DHX15: variants seen among roughly 807,000 people sequenced by gnomAD.
DHX15 encodes DEAH-box helicase 15, also known as ATP-dependent RNA helicase DHX15.
In DHX15, 11 loss-of-function variants were observed where a neutral mutation model predicts 94.4. The observed-to-expected ratio is 0.12, with a 90% confidence interval of 0.07 to 0.19. The LOEUF (loss-of-function observed/expected upper bound fraction) is 0.19, where lower values mean the gene tolerates loss of function less well. Among genes scored for constraint, DHX15 ranks in the 10% least tolerant of loss-of-function variants. The pLI is 1.00. For missense variants in DHX15, 304 were observed against 988.5 expected (o/e 0.31, Z 9.29); for synonymous variants, 338 against 329.9 (o/e 1.02, Z -0.27).
rs773122062 is a variant in DHX15, at chr4:24,584,287, C to A, written c.71+36G>T. On this transcript the variant is annotated intron_variant, in intron 1 of 13. Transcript: ENST00000336812. ...GCTCCCTGCCAGGACCCCAACAAAG[C>A]CCGAGCTGCCGCCTCGCGCCCCCGG... 3.1e-6 allele frequency: 5 copies of A among 1,595,080 alleles called. No homozygotes were observed. In the South Asian group the frequency reaches 5.6e-5, roughly 18 times the overall value.
In DHX15 at chr4:24,573,788, T is replaced by C. The variant is rs551526906; in HGVS notation, c.507+2455A>G. Among the ~76,000 whole-genome samples, 4 of 152,292 alleles carry C rather than the reference T, an allele frequency of 2.6e-5. No homozygotes were observed. In the South Asian group the frequency reaches 8.3e-4, roughly 32 times the overall value. On this transcript the variant is annotated intron_variant, in intron 2 of 13. Coordinates refer to ENST00000336812, the MANE Select transcript of DHX15 (RefSeq NM_001358.3). ...ATACCTGCATTCCCTTAGCTCAACA[T>C]GCGTCCTTGCTCACACTGTCCCTTT...
Position 24,584,489 on chromosome 4 carries a change from C to T in DHX15, c.-96G>A. The T allele has an allele frequency of 5.8e-6, 7 of 1,210,776 alleles. No individual in the cohort carries two copies. The highest frequency in any genetic ancestry group is 1.6e-5 in the African/African-American group (1 of 64,016). The allele number at this position is 1,210,776 out of a possible 1,614,324, so 75.0% of individuals were successfully genotyped here. A position where few individuals can be genotyped will look rare whatever the true frequency, so the allele number is the denominator to read the frequency against. On this transcript the variant is annotated 5_prime_UTR_variant, in exon 1 of 14. Transcript: ENST00000336812. ...CCACTTAACTCTGGAGGACCCCCAC[C>T]CCTCCCGCTACTACAGCCCACACGG...
intron 6 of DHX15, among the ~76,000 whole-genome samples, chr4:24,543,362 G>C (rs1017729992): frequency 1.3e-5 from 2 of 152,126 alleles, no homozygotes; most frequent in African/African-American, 4.8e-5. Flanking sequence ...CAAAACGTCT[G>C]ATAAAACAGC....
chr4:24,542,931 A>C lies in DHX15; in HGVS notation c.1335+9T>G. On this transcript the variant is annotated intron_variant, in intron 7 of 13. Transcript: ENST00000336812. Reference sequence around the variant, plus strand: ...ACTCTAATTTATAAAGTATCCACTAAATATGTACCTTCTGTTTCGCAAATC... The same window carrying C: ...ACTCTAATTTATAAAGTATCCACTACATATGTACCTTCTGTTTCGCAAATC... 5 of 1,606,438 alleles carry C rather than the reference A, an allele frequency of 3.1e-6. No homozygotes were observed. Among genetic ancestry groups the C allele is most frequent in the Non-Finnish European group, 4.3e-6 (5 of 1,173,602 alleles).
At chr4:24,548,508 T>C (rs1422936347) in intron 6 of DHX15, among the ~76,000 whole-genome samples, 1 of 152,196 alleles carries the variant, frequency 6.6e-6, no homozygotes, top group Non-Finnish European at 1.5e-5. Flanking sequence ...GACATTACAT[T>C]TGGGAAGCCT....
At position 24,542,924 on chromosome 4, in the gene DHX15, T is replaced by A; in HGVS notation, c.1335+16A>T. 1 of 1,588,458 alleles carries A rather than the reference T, an allele frequency of 6.3e-7. No individual in the cohort carries two copies. Among genetic ancestry groups the A allele is most frequent in the African/African-American group, 1.3e-5 (1 of 74,456 alleles). On this transcript the variant is annotated intron_variant, in intron 7 of 13. Transcript: ENST00000336812. ...TAAACCAACTCTAATTTATAAAGTA[T>A]CCACTAAATATGTACCTTCTGTTTC...
intron 12 of DHX15, among the ~76,000 whole-genome samples, chr4:24,532,227 A>C (rs1161470647): frequency 3.3e-5 from 5 of 152,232 alleles, no homozygotes; most frequent in Non-Finnish European, 7.3e-5. Context: ...CAGCATACTT[A>C]AACTAAATAA....
chr4:24,540,886 T>C lies in DHX15; in HGVS notation c.1548A>G (p.Lys516=), dbSNP rs772731371. 6.2e-7 allele frequency: 1 copy of C among 1,610,430 alleles called. No individual in the cohort carries two copies. Among genetic ancestry groups the C allele is most frequent in the Non-Finnish European group, 8.5e-7 (1 of 1,177,658 alleles). The change falls in exon 9 of 14, where the codon AAA becomes AAG. Residue 516 remains lysine, a synonymous_variant. Transcript: ENST00000336812. ...NLGSVVLQLK[K]LGIDDLVHFD... is the part of the protein sequence containing the mutation. ...AATGTACCAAGTCATCAATACCAAGTTTCTTCAATTGTAACACAACTGATC... is the reference window on the plus strand; with the variant it reads ...AATGTACCAAGTCATCAATACCAAGCTTCTTCAATTGTAACACAACTGATC...
At chr4:24,563,751 T>C (rs1470562504) in intron 3 of DHX15, among the ~76,000 whole-genome samples, 1 of 152,098 alleles carries the variant, frequency 6.6e-6, no homozygotes, top group Admixed American at 6.6e-5. Flanking sequence ...AGCTAGACTT[T>C]TGATAGTTGC....
chr4:24,539,100 A>G (rs1721255533), intron 10 of DHX15: 1 of 152,200 alleles, frequency 6.6e-6, no homozygotes, highest in Non-Finnish European at 1.5e-5. Context: ...CTGATCAGTC[A>G]TAACTCTGCA....
chr4:24,578,945 T>C (rs1187484837), intron 1 of DHX15, among the ~76,000 whole-genome samples: 1 of 152,110 alleles, frequency 6.6e-6, no homozygotes, highest in Non-Finnish European at 1.5e-5. Context: ...GGAAGAGAGG[T>C]GACAAAGTAA....
chr4:24,547,886 TCTC>T, intron 6 of DHX15, among the ~76,000 whole-genome samples: 1 of 20,642 alleles, frequency 4.8e-5, no homozygotes, highest in East Asian at 1.4e-3. Context: ...TCTCTCTCTC[TCTC>T]TATGTATGTA....
At chr4:24,530,865 A>C (rs1226361685) in intron 12 of DHX15, 2 of 152,164 alleles carry the variant, frequency 1.3e-5, no homozygotes, top group African/African-American at 4.8e-5. Context: ...AACACCTATT[A>C]GGTGTCAGGT....
At chr4:24,531,323 C>T (rs1379141340) in intron 12 of DHX15, among the ~76,000 whole-genome samples, 5 of 152,048 alleles carry the variant, frequency 3.3e-5, no homozygotes, top group African/African-American at 9.7e-5. Flanking sequence ...CTCTTGACCT[C>T]GTGATCCACC....
chr4:24,544,113 A>G (rs1413371674), intron 6 of DHX15, among the ~76,000 whole-genome samples: 1 of 152,204 alleles, frequency 6.6e-6, no homozygotes, highest in African/African-American at 2.4e-5. Context: ...CACTAGCACT[A>G]AAGTTCCATC....
Position 24,570,776 on chromosome 4 carries a change from G to A in DHX15, c.579C>T (p.Pro193=). The part of the protein sequence containing the change: ...GPKRGVACTQ[P]RRVAAMSVAQ... ...CCACACTCATTGCAGCCACTCTCCT[G>A]GGTTGGGTACAGGCAACTCCTCTCT... is the stretch of plus-strand genomic sequence containing the variant. Residue 193 remains proline (P), a synonymous_variant, in exon 3 of 14, where the codon CCC becomes CCT. Coordinates refer to ENST00000336812, the MANE Select transcript of DHX15 (RefSeq NM_001358.3). The A allele has an allele frequency of 6.2e-7, 1 of 1,614,114 alleles. No individual in the cohort carries two copies. Among genetic ancestry groups the A allele is most frequent in the African/African-American group, 1.3e-5 (1 of 75,024 alleles).
rs1210682108 is a variant in DHX15 at position 24,540,362 on chromosome 4, C to T, written c.1595-63G>A. The T allele has an allele frequency of 5.6e-5, 79 of 1,402,610 alleles. 1 individual carries two copies. The highest frequency in any genetic ancestry group is 4.8e-5 in the Non-Finnish European group (49 of 1,025,842). The allele number at this position is 1,402,610 out of a possible 1,614,324, so 86.9% of individuals were successfully genotyped here. Reference sequence around the variant, plus strand: ...AAGCAAGCAAAAATGTGACAAAGTACAAACTATTATAAGCAATCTCATTTT... The same window carrying T: ...AAGCAAGCAAAAATGTGACAAAGTATAAACTATTATAAGCAATCTCATTTT... On this transcript the variant is annotated intron_variant, in intron 9 of 13. Coordinates refer to ENST00000336812, the MANE Select transcript of DHX15 (RefSeq NM_001358.3).
intron 2 of DHX15, among the ~76,000 whole-genome samples, chr4:24,575,520 A>G (rs1423343373): frequency 6.6e-6 from 1 of 152,214 alleles, no homozygotes; most frequent in Non-Finnish European, 1.5e-5. Flanking sequence ...ATTTGTAAAA[A>G]TTCACGTTTT....
At chr4:24,577,033 A>G (rs1263095628) in intron 1 of DHX15, among the ~76,000 whole-genome samples, 1 of 152,214 alleles carries the variant, frequency 6.6e-6, no homozygotes, top group Admixed American at 6.5e-5. Context: ...AGAAGATGGC[A>G]TCTCAATCTT....
Sources: gnomAD v4.1 joint callset for allele counts (sites outside exome capture counted in the v4.1 genomes callset) on GRCh38, gnomAD v4.1.1 for gene constraint, MANE v1.5 for transcripts, NCBI Gene and HGNC (gene_info 2026-07-23, HGNC 2026-07-21) for gene names.